UBE2R2: variants seen among roughly 807,000 people sequenced by gnomAD.
The protein encoded by UBE2R2 is ubiquitin-conjugating enzyme E2 R2.
UBE2R2 carries 1 observed loss-of-function variant against 27.8 expected under a neutral mutation model. That is an observed-to-expected ratio of 0.04 (90% CI 0.01 to 0.17). The LOEUF (loss-of-function observed/expected upper bound fraction) is 0.17. Among genes scored for constraint, UBE2R2 ranks in the 10% least tolerant of loss-of-function variants. The pLI, the probability that UBE2R2 is intolerant of heterozygous loss-of-function variation, is 1.00. For synonymous variants in UBE2R2, 106 were observed against 113.3 expected (o/e 0.94, Z 0.41); for missense variants, 100 against 291.0 (o/e 0.34, Z 4.78).
chr9:33,830,771 GA>G (rs370816652), intron 1 of UBE2R2, among the ~76,000 whole-genome samples: 10,204 of 136,060 alleles, frequency 0.075, 478 homozygotes, highest in Non-Finnish European at 0.11. Context: ...CCTCTCAAAG[GA>G]AAAAAAAAAA....
chr9:33,866,136 A>G (rs770260301), intron 1 of UBE2R2, among the ~76,000 whole-genome samples: 8 of 151,442 alleles, frequency 5.3e-5, no homozygotes, highest in Non-Finnish European at 1.0e-4. Context: ...CCCGGCTCAC[A>G]TTTAGTTTTC....
At chr9:33,832,713 TTTAA>T (rs1393042234) in intron 1 of UBE2R2, among the ~76,000 whole-genome samples, 2 of 152,012 alleles carry the variant, frequency 1.3e-5, no homozygotes, top group African/African-American at 4.8e-5. Flanking sequence ...TTGGTTGAAC[TTTAA>T]TTAAATTTTT....
intron 1 of UBE2R2, among the ~76,000 whole-genome samples, chr9:33,822,896 C>T (rs1481297220): frequency 6.9e-6 from 1 of 145,080 alleles, no homozygotes; most frequent in Non-Finnish European, 1.5e-5. Flanking sequence ...TCTTTTTCTT[C>T]TTCTTATTAA....
chr9:33,912,244 C>G (rs1383166840), intron 4 of UBE2R2, 146 bp downstream of exon 4: 15 of 766,880 alleles, frequency 2.0e-5, no homozygotes, highest in Non-Finnish European at 2.8e-5. Context: ...AAGATTTCTG[C>G]CTGAGCCTAA....
intron 1 of UBE2R2, among the ~76,000 whole-genome samples, chr9:33,832,179 G>T (rs1201080715): frequency 6.6e-6 from 1 of 151,416 alleles, no homozygotes. Flanking sequence ...GTGGTGGTGC[G>T]TGCCTGTAAT....
chr9:33,890,004 T>C (rs868722747), intron 2 of UBE2R2, among the ~76,000 whole-genome samples: 1 of 152,110 alleles, frequency 6.6e-6, no homozygotes, highest in Non-Finnish European at 1.5e-5. Context: ...CTTAAAGCCA[T>C]ATACATACTA....
rs945688021 is a variant in UBE2R2 at position 33,919,192 on chromosome 9, T to C, written c.*1955T>C. ...ACCTGATTACAAACTCTCATAGATGTTGGAACTACCTTTTTACTCCCCATA... is the reference window on the plus strand; with the variant it reads ...ACCTGATTACAAACTCTCATAGATGCTGGAACTACCTTTTTACTCCCCATA... On this transcript the variant is annotated 3_prime_UTR_variant, in exon 5 of 5. Transcript: ENST00000263228. 1 of 152,188 alleles carries C rather than the reference T, an allele frequency of 6.6e-6. No homozygotes were observed. Among genetic ancestry groups the C allele is most frequent in the South Asian group, 2.1e-4 (1 of 4,830 alleles). 9.4% of individuals were successfully genotyped at this position (152,188 alleles called of 1,614,324 possible).
intron 1 of UBE2R2, among the ~76,000 whole-genome samples, chr9:33,840,907 C>T (rs1377009054): frequency 2.6e-5 from 4 of 151,676 alleles, no homozygotes; most frequent in Non-Finnish European, 4.4e-5. Flanking sequence ...CTAAGAGAAC[C>T]AGCTATTTAA....
intron 3 of UBE2R2, among the ~76,000 whole-genome samples, chr9:33,903,607 G>A (rs1252742207): frequency 6.6e-6 from 1 of 152,138 alleles, no homozygotes; most frequent in Non-Finnish European, 1.5e-5. Context: ...TCAGCTTAAA[G>A]TATTATGAAC....
intron 1 of UBE2R2, among the ~76,000 whole-genome samples, chr9:33,819,511 T>C (rs1342330810): frequency 6.6e-6 from 1 of 152,222 alleles, no homozygotes; most frequent in East Asian, 1.9e-4. Context: ...TAAGAAAACA[T>C]GCAACTTATT....
intron 4 of UBE2R2, 61 bp downstream of exon 4, chr9:33,912,159 G>C: frequency 7.0e-7 from 1 of 1,431,824 alleles, no homozygotes; most frequent in Non-Finnish European, 9.6e-7. Flanking sequence ...CTGGAACCAA[G>C]GGTTTAAATC....
intron 1 of UBE2R2, among the ~76,000 whole-genome samples, chr9:33,831,786 A>T (rs1820488222): frequency 1.3e-5 from 2 of 151,748 alleles, no homozygotes; most frequent in African/African-American, 4.8e-5. Context: ...CAGCCTCCCT[A>T]GTAGTTGGGA....
chr9:33,916,872 G>A, intron 4 of UBE2R2, 146 bp from the exon 5 acceptor site: 1 of 1,301,170 alleles, frequency 7.7e-7, no homozygotes, highest in Non-Finnish European at 1.0e-6. Flanking sequence ...ATTTGGTGTA[G>A]TACAGGGTAT....
intron 1 of UBE2R2, among the ~76,000 whole-genome samples, chr9:33,874,578 T>C (rs1163802465): frequency 2.0e-5 from 3 of 149,390 alleles, no homozygotes; most frequent in Non-Finnish European, 1.5e-5. Flanking sequence ...GTATATATAT[T>C]ATTATTATTT....
intron 1 of UBE2R2, among the ~76,000 whole-genome samples, chr9:33,827,760 C>G (rs920825940): frequency 1.3e-5 from 2 of 152,002 alleles, no homozygotes; most frequent in Non-Finnish European, 2.9e-5. Flanking sequence ...TACGTGAGAT[C>G]AGGAGTTCAA....
intron 1 of UBE2R2, among the ~76,000 whole-genome samples, chr9:33,878,797 T>C: frequency 6.6e-6 from 1 of 152,162 alleles, no homozygotes; most frequent in East Asian, 1.9e-4. Flanking sequence ...AATGCCAAGG[T>C]TGCAGTGAGC....
intron 1 of UBE2R2, among the ~76,000 whole-genome samples, chr9:33,843,806 G>A (rs1820782778): frequency 6.6e-6 from 1 of 152,176 alleles, no homozygotes; most frequent in African/African-American, 2.4e-5. Flanking sequence ...TTTAAGACAG[G>A]AAGTTTATAG....
At chr9:33,856,217 C>T (rs1821097897) in intron 1 of UBE2R2, among the ~76,000 whole-genome samples, 1 of 152,126 alleles carries the variant, frequency 6.6e-6, no homozygotes, top group Admixed American at 6.6e-5. Flanking sequence ...CCACGTAGCC[C>T]TCCTACTCCC....
At chr9:33,865,302 T>G (rs953526978) in intron 1 of UBE2R2, among the ~76,000 whole-genome samples, 2 of 152,070 alleles carry the variant, frequency 1.3e-5, no homozygotes, top group African/African-American at 4.8e-5. Flanking sequence ...ACCTCCTGGG[T>G]TCAGCGATTC....
Sources: allele counts gnomAD v4.1 joint callset (sites outside exome capture counted in the v4.1 genomes callset), GRCh38; gene constraint gnomAD v4.1.1; transcripts MANE v1.5; gene names NCBI Gene and HGNC (gene_info 2026-07-23, HGNC 2026-07-21).